MYO1B: variants seen among roughly 807,000 people sequenced by gnomAD.
MYO1B encodes the protein unconventional myosin-Ib.
A neutral mutation model predicts 159.7 loss-of-function variants in MYO1B; 72 were observed. The observed-to-expected ratio is 0.45, with a 90% CI of 0.37 to 0.55. MYO1B has a LOEUF of 0.55. Among genes scored for constraint, MYO1B ranks in the 20% least tolerant of loss-of-function variants. MYO1B has a pLI of 0.00. For missense variants in MYO1B, 1,062 were observed against 1,364.8 expected (o/e 0.78, Z 3.50); for synonymous variants, 468 against 473.8 (o/e 0.99, Z 0.16).
intron 1 of MYO1B, among the ~76,000 whole-genome samples, chr2:191,261,033 C>G (rs1686778298): frequency 6.6e-6 from 1 of 152,120 alleles, no homozygotes; most frequent in South Asian, 2.1e-4. Context: ...TCCAGACTTG[C>G]TGGATTTGTT....
At chr2:191,252,008 T>C (rs769548389) in intron 1 of MYO1B, among the ~76,000 whole-genome samples, 2 of 152,244 alleles carry the variant, frequency 1.3e-5, no homozygotes, top group Non-Finnish European at 2.9e-5. Flanking sequence ...TATACTAGCT[T>C]CCTAACTGAT....
At chr2:191,333,731 C>T (rs1009672440) in intron 4 of MYO1B, among the ~76,000 whole-genome samples, 6 of 152,208 alleles carry the variant, frequency 3.9e-5, no homozygotes, top group African/African-American at 1.4e-4. Context: ...GCCTCTGTCT[C>T]TGTCTCTTAA....
At chr2:191,310,720 T>G (rs900902293) in intron 3 of MYO1B, among the ~76,000 whole-genome samples, 7 of 152,182 alleles carry the variant, frequency 4.6e-5, no homozygotes, top group Non-Finnish European at 8.8e-5. Flanking sequence ...TATTCCAAAG[T>G]AATAGGAGGA....
chr2:191,246,919 C>G (rs1685826919), intron 1 of MYO1B, among the ~76,000 whole-genome samples: 1 of 152,142 alleles, frequency 6.6e-6, no homozygotes, highest in Non-Finnish European at 1.5e-5. Context: ...TGCTTTCACT[C>G]TCTGTGTGAG....
At position 191,296,101 on chromosome 2, in the gene MYO1B, T is replaced by C; in HGVS notation, c.136-10T>C. 2 of 1,528,666 alleles carry C rather than the reference T, an allele frequency of 1.3e-6. No individual in the cohort carries two copies. Among genetic ancestry groups the C allele is most frequent in the Non-Finnish European group, 9.0e-7 (1 of 1,113,086 alleles). The allele number at this position is 1,528,666 out of a possible 1,614,324, so 94.7% of individuals were successfully genotyped here. A position where few individuals can be genotyped will look rare whatever the true frequency, so the allele number is the denominator to read the frequency against. On this transcript the variant is annotated splice_polypyrimidine_tract_variant and intron_variant, in intron 2 of 30. Transcript: ENST00000392318. ...TAACTAATGGGCATGTTTTGTTCTT[T>C]CTTTTGCAGACATACATTGGAAGTG... is the stretch of plus-strand genomic sequence containing the variant.
intron 12 of MYO1B, 121 bp downstream of exon 12, chr2:191,369,749 T>C (rs1694242368): frequency 4.0e-6 from 3 of 747,766 alleles, no homozygotes; most frequent in Non-Finnish European, 6.6e-6. Context: ...AGATTATTCC[T>C]TAAAAAGAGT....
At chr2:191,310,923 G>C (rs898601777) in intron 3 of MYO1B, among the ~76,000 whole-genome samples, 1 of 152,194 alleles carries the variant, frequency 6.6e-6, no homozygotes, top group Non-Finnish European at 1.5e-5. Context: ...AGTGTAAACA[G>C]ATGTTAATTC....
intron 6 of MYO1B, 76 bp from the exon 7 acceptor site, chr2:191,350,086 C>A: frequency 8.6e-7 from 1 of 1,164,372 alleles, no homozygotes; most frequent in South Asian, 1.3e-5. Context: ...AGGGCTTAGT[C>A]TGCTGTTCTC....
chr2:191,284,303 C>T (rs1349082028), intron 2 of MYO1B, among the ~76,000 whole-genome samples: 1 of 152,206 alleles, frequency 6.6e-6, no homozygotes, highest in African/African-American at 2.4e-5. Flanking sequence ...ATCCTAATTT[C>T]TAAAGAGAGG....
Position 191,385,284 on chromosome 2 carries a change from A to G in MYO1B, c.1354-600A>G, listed in dbSNP as rs116616272. 6.1e-3 allele frequency among the ~76,000 whole-genome samples: 932 copies of G among 152,366 alleles called. 6 individuals carry two copies. The highest frequency in any genetic ancestry group is 7.0e-3 in the Non-Finnish European group (474 of 68,038). On this transcript the variant is annotated intron_variant, in intron 15 of 30. Coordinates refer to ENST00000392318, the MANE Select transcript of MYO1B (RefSeq NM_001130158.3). ...ATTTAGAAATTCCACATGAATTTCT[A>G]AAATCTAAATCTATATGAAACAGAT...
intron 2 of MYO1B, among the ~76,000 whole-genome samples, chr2:191,286,467 C>T (rs146933111): frequency 6.6e-6 from 1 of 152,236 alleles, no homozygotes; most frequent in African/African-American, 2.4e-5. Context: ...GTCTCAGACC[C>T]AGGAAGGAAG....
chr2:191,300,526 T>C (rs568861551), intron 3 of MYO1B, among the ~76,000 whole-genome samples: 1 of 151,920 alleles, frequency 6.6e-6, no homozygotes, highest in East Asian at 1.9e-4. Context: ...GTATTTTTAG[T>C]AGAGACAGGT....
At position 191,285,752 on chromosome 2, in the gene MYO1B, A is replaced by T. The variant is rs541711318; in HGVS notation, c.135+8722A>T. On this transcript the variant is annotated intron_variant, in intron 2 of 30. Coordinates refer to ENST00000392318, the MANE Select transcript of MYO1B (RefSeq NM_001130158.3). ...CAGGCATGAAAGAAACAAGGGGAGA[A>T]GCAGAGACATGGGCAGGGGCGAGGC... 8.5e-5 allele frequency among the ~76,000 whole-genome samples: 13 copies of T among 152,268 alleles called. No homozygotes were observed. The South Asian group carries it at 2.7e-3, about 32-fold the overall frequency.
chr2:191,291,288 C>G (rs541211228), intron 2 of MYO1B, among the ~76,000 whole-genome samples: 1 of 152,252 alleles, frequency 6.6e-6, no homozygotes, highest in Admixed American at 6.5e-5. Context: ...TTTTGGAATG[C>G]TAGAGATACT....
At chr2:191,411,601 A>G (rs2126168262) in intron 27 of MYO1B, among the ~76,000 whole-genome samples, 1 of 152,352 alleles carries the variant, frequency 6.6e-6, no homozygotes, top group South Asian at 2.1e-4. Context: ...TGTAAGGTAA[A>G]TGAAAGAGCG....
intron 1 of MYO1B, chr2:191,246,030 G>C (rs1406084491): frequency 6.6e-6 from 1 of 152,228 alleles, no homozygotes; most frequent in African/African-American, 2.4e-5. Flanking sequence ...GGCTTCCTCC[G>C]GGCAGGAAAG....
chr2:191,265,362 G>A (rs1687074144), intron 1 of MYO1B, among the ~76,000 whole-genome samples: 1 of 151,974 alleles, frequency 6.6e-6, no homozygotes. Flanking sequence ...TTATAATGAA[G>A]GTGTACCTTG....
intron 1 of MYO1B, among the ~76,000 whole-genome samples, chr2:191,268,719 A>C (rs982510915): frequency 6.6e-6 from 1 of 152,062 alleles, no homozygotes; most frequent in South Asian, 2.1e-4. Context: ...GGGAAGGTTC[A>C]CCCGCATGAT....
At chr2:191,325,476 A>T (rs1404482991) in intron 3 of MYO1B, among the ~76,000 whole-genome samples, 1 of 152,170 alleles carries the variant, frequency 6.6e-6, no homozygotes, top group African/African-American at 2.4e-5. Flanking sequence ...GCTAATGGAG[A>T]GGTCCAACTA....
Sources: gnomAD v4.1 joint callset for allele counts (sites outside exome capture counted in the v4.1 genomes callset) on GRCh38, gnomAD v4.1.1 for gene constraint, MANE v1.5 for transcripts, NCBI Gene and HGNC (gene_info 2026-07-23, HGNC 2026-07-21) for gene names.